LYPD6B: variants seen among roughly 807,000 people sequenced by gnomAD.
The protein encoded by LYPD6B is ly6/PLAUR domain-containing protein 6B.
A neutral mutation model predicts 22.8 loss-of-function variants in LYPD6B; 17 were observed. That is an observed-to-expected ratio of 0.75 (90% confidence interval 0.51 to 1.12). The LOEUF is 1.12. Among genes scored for constraint, LYPD6B ranks in the 50% most tolerant of loss-of-function variants. The pLI, the probability that LYPD6B is intolerant of heterozygous loss-of-function variation, is 0.00. For synonymous variants in LYPD6B, 106 were observed against 91.6 expected (o/e 1.16, Z -0.90); for missense variants, 221 against 258.3 (o/e 0.86, Z 0.99).
At chr2:149,065,899 A>G (rs980465883) in intron 1 of LYPD6B, among the ~76,000 whole-genome samples, 4 of 151,564 alleles carry the variant, frequency 2.6e-5, no homozygotes, top group African/African-American at 9.7e-5. Flanking sequence ...TTTCATAGAG[A>G]CTAGTTTTCG....
chr2:149,151,406 A>G (rs1202538819), intron 2 of LYPD6B, among the ~76,000 whole-genome samples: 1 of 152,114 alleles, frequency 6.6e-6, no homozygotes, highest in Non-Finnish European at 1.5e-5. Context: ...CCACTGCTCC[A>G]TTTTGCCTGA....
At chr2:149,109,416 G>A (rs1297139645) in intron 1 of LYPD6B, among the ~76,000 whole-genome samples, 1 of 152,030 alleles carries the variant, frequency 6.6e-6, no homozygotes, top group Non-Finnish European at 1.5e-5. Context: ...TGCACAATTT[G>A]CCCTTTTCTC....
At chr2:149,097,150 C>G (rs1299294791) in intron 1 of LYPD6B, among the ~76,000 whole-genome samples, 1 of 152,336 alleles carries the variant, frequency 6.6e-6, no homozygotes, top group Non-Finnish European at 1.5e-5. Context: ...TCCCATGGCA[C>G]CATGTGCCAC....
chr2:149,137,492 A>T lies in LYPD6B; in HGVS notation c.5+6539A>T, dbSNP rs545398267. ...GGCATTTCAAAATTTACCAATTAAA[A>T]TTTTATTCAAAAACATTTTGTCTGG... is the stretch of plus-strand genomic sequence containing the variant. On this transcript the variant is annotated intron_variant, in intron 2 of 6. Coordinates refer to ENST00000409642, the MANE Select transcript of LYPD6B (RefSeq NM_177964.5). 3.3e-5 allele frequency among the ~76,000 whole-genome samples: 5 copies of T among 152,326 alleles called. No homozygotes were observed. In the East Asian group the frequency reaches 9.6e-4, roughly 29 times the overall value.
At chr2:149,117,398 G>A (rs1181796848) in intron 1 of LYPD6B, among the ~76,000 whole-genome samples, 1 of 151,938 alleles carries the variant, frequency 6.6e-6, no homozygotes, top group Non-Finnish European at 1.5e-5. Context: ...AGCCCCCTGA[G>A]TAGCTGGGGC....
chr2:149,063,072 A>T (rs1216428948), intron 1 of LYPD6B, among the ~76,000 whole-genome samples: 1 of 151,974 alleles, frequency 6.6e-6, no homozygotes, highest in African/African-American at 2.4e-5. Context: ...TCAGGAACTT[A>T]TATCTTAATG....
chr2:149,071,559 C>T (rs144200640), intron 1 of LYPD6B, among the ~76,000 whole-genome samples: 1,838 of 152,178 alleles, frequency 0.012, 30 homozygotes, highest in African/African-American at 0.042. Context: ...AAATAGGACT[C>T]GAATCAGTAG....
At chr2:149,175,060 T>C (rs1460143264) in intron 3 of LYPD6B, among the ~76,000 whole-genome samples, 2 of 142,506 alleles carry the variant, frequency 1.4e-5, no homozygotes, top group East Asian at 4.6e-4. Context: ...TCTCTCTCTC[T>C]CTGTGTGTGT....
intron 1 of LYPD6B, among the ~76,000 whole-genome samples, chr2:149,041,115 A>AAAAG (rs1558962784): frequency 6.7e-6 from 1 of 148,418 alleles, no homozygotes. Context: ...AAAAAAAAAA[A>AAAAG]AAAGAAAATG....
In LYPD6B at chr2:149,175,782, G is replaced by A. The variant is rs573541776; in HGVS notation, c.77+14947G>A. Among the ~76,000 whole-genome samples the A allele has an allele frequency of 2.1e-5, 3 of 144,290 alleles. No homozygotes were observed. The South Asian group carries it at 6.5e-4, about 31-fold the overall frequency. 94.7% of individuals were successfully genotyped at this position (144,290 alleles called of 152,430 possible). A position where few individuals can be genotyped will look rare whatever the true frequency, so the allele number is the denominator to read the frequency against. ...AACTAAGACACAAACACACACATTAGCCTAAGCCTACACAGGGTCAGGATC... is the reference window on the plus strand; with the variant it reads ...AACTAAGACACAAACACACACATTAACCTAAGCCTACACAGGGTCAGGATC... On this transcript the variant is annotated intron_variant, in intron 3 of 6. Transcript: ENST00000409642.
intron 2 of LYPD6B, among the ~76,000 whole-genome samples, chr2:149,157,620 C>A (rs1198413584): frequency 6.6e-6 from 1 of 152,174 alleles, no homozygotes; most frequent in East Asian, 1.9e-4. Context: ...TCACACTGTG[C>A]CAGCTTTGTG....
At chr2:149,170,765 A>G (rs1690762133) in intron 3 of LYPD6B, among the ~76,000 whole-genome samples, 2 of 152,258 alleles carry the variant, frequency 1.3e-5, no homozygotes, top group South Asian at 2.1e-4. Flanking sequence ...CCTTTTTTCT[A>G]CAAATTCCCA....
chr2:149,054,636 T>C (rs751899330), intron 1 of LYPD6B, among the ~76,000 whole-genome samples: 70 of 152,106 alleles, frequency 4.6e-4, no homozygotes, highest in Non-Finnish European at 7.2e-4. Context: ...GTAACCTGAG[T>C]AAGCCGAGGT....
intron 2 of LYPD6B, among the ~76,000 whole-genome samples, chr2:149,155,806 C>A (rs529522397): frequency 1.3e-5 from 2 of 152,312 alleles, no homozygotes; most frequent in South Asian, 4.1e-4. Context: ...TCTGTGGAGG[C>A]TGTAGAAATT....
chr2:149,122,283 T>G (rs570991531), intron 1 of LYPD6B, among the ~76,000 whole-genome samples: 2 of 152,336 alleles, frequency 1.3e-5, no homozygotes, highest in African/African-American at 4.8e-5. Flanking sequence ...CTAGTCATCT[T>G]GTGTTAGCTC....
At chr2:149,137,620 G>T (rs1455839899) in intron 2 of LYPD6B, among the ~76,000 whole-genome samples, 1 of 152,098 alleles carries the variant, frequency 6.6e-6, no homozygotes, top group Non-Finnish European at 1.5e-5. Context: ...AAATATTTGT[G>T]CATACAAGAG....
chr2:149,078,898 C>T (rs753201634), intron 1 of LYPD6B, among the ~76,000 whole-genome samples: 5 of 151,964 alleles, frequency 3.3e-5, no homozygotes, highest in Non-Finnish European at 7.4e-5. Context: ...GTCCCATCTA[C>T]TCGGGAGGCT....
chr2:149,137,367 G>A (rs1394412121), intron 2 of LYPD6B, among the ~76,000 whole-genome samples: 2 of 152,180 alleles, frequency 1.3e-5, no homozygotes, highest in African/African-American at 4.8e-5. Context: ...GCTTCAGAGA[G>A]ATTGCAAAGG....
chr2:149,167,529 C>G (rs1238261342), intron 3 of LYPD6B, among the ~76,000 whole-genome samples: 3 of 152,060 alleles, frequency 2.0e-5, no homozygotes, highest in Non-Finnish European at 4.4e-5. Flanking sequence ...GAGTGTGGTA[C>G]GTGTGTGGGG....
Sources: gnomAD v4.1 joint callset for allele counts (sites outside exome capture counted in the v4.1 genomes callset) on GRCh38, gnomAD v4.1.1 for gene constraint, MANE v1.5 for transcripts, NCBI Gene and HGNC (gene_info 2026-07-23, HGNC 2026-07-21) for gene names.